CSMD1: variants seen among roughly 807,000 people sequenced by gnomAD.
The protein encoded by CSMD1 is CUB and sushi domain-containing protein 1.
In CSMD1, 213 loss-of-function variants were observed where a neutral mutation model predicts 417.5. The observed-to-expected ratio is 0.51, with a 90% CI of 0.46 to 0.57. CSMD1 has a LOEUF of 0.57. Ranked by LOEUF, CSMD1 falls within the 20% of genes least tolerant of loss-of-function variation. The pLI is 0.00. For missense variants in CSMD1, 6,923 were observed against 4,529.7 expected, an observed-to-expected ratio of 1.53 and a Z score of -15.17; for synonymous variants, 2,862 against 1,736.8, an observed-to-expected ratio of 1.65 and a Z score of -16.11.
rs542596691 is a variant in CSMD1 at position 3,160,367 on chromosome 8, C to G, written c.5844+1792G>C. 1.1e-4 allele frequency among the ~76,000 whole-genome samples: 16 copies of G among 152,310 alleles called. No homozygotes were observed. In the South Asian group the frequency reaches 3.3e-3, roughly 32 times the overall value. ...CAAACTCCTCGATTCAAGCAATCCT[C>G]TGACTTTGGAATCCCAAAGTGCTGG... On this transcript the variant is annotated intron_variant, in intron 38 of 69. Transcript: ENST00000635120.
chr8:3,172,943 G>T (rs1460234734), intron 37 of CSMD1, among the ~76,000 whole-genome samples: 2 of 152,204 alleles, frequency 1.3e-5, no homozygotes, highest in East Asian at 3.9e-4. Flanking sequence ...TGACGTTACT[G>T]ATAGGACCTA....
At chr8:3,686,444 A>T (rs1209133642) in intron 7 of CSMD1, among the ~76,000 whole-genome samples, 2 of 152,170 alleles carry the variant, frequency 1.3e-5, no homozygotes, top group African/African-American at 4.8e-5. Context: ...GGTTAAGAAT[A>T]TGCCACCCCA....
At chr8:4,271,814 A>C (rs1166426936) in intron 3 of CSMD1, among the ~76,000 whole-genome samples, 9 of 152,120 alleles carry the variant, frequency 5.9e-5, no homozygotes, top group African/African-American at 2.2e-4. Flanking sequence ...GCAAGCTTAC[A>C]TGTGATTACT....
chr8:4,341,642 C>G (rs115042326), intron 3 of CSMD1, among the ~76,000 whole-genome samples: 1 of 152,058 alleles, frequency 6.6e-6, no homozygotes, highest in Non-Finnish European at 1.5e-5. Context: ...TTAGGATATG[C>G]TCTTGTGTTC....
intron 23 of CSMD1, among the ~76,000 whole-genome samples, chr8:3,325,271 A>G (rs547944614): frequency 6.6e-6 from 1 of 152,318 alleles, no homozygotes; most frequent in East Asian, 1.9e-4. Context: ...TGACTAATAC[A>G]ATCACAATCA....
chr8:3,338,626 T>C (rs578140271), intron 23 of CSMD1, among the ~76,000 whole-genome samples: 7 of 152,288 alleles, frequency 4.6e-5, no homozygotes, highest in East Asian at 1.9e-4. Flanking sequence ...TCTCCCGTGA[T>C]ACCAGCTATG....
intron 35 of CSMD1, 109 bp from the exon 36 acceptor site, chr8:3,188,074 ATACATATGTATATG>A (rs1036740600): frequency 1.2e-4 from 48 of 399,546 alleles, no homozygotes; most frequent in African/African-American, 1.0e-3. Flanking sequence ...GTATATATAT[ATACATATGTATATG>A]TATATATATA....
chr8:3,723,924 T>G (rs1250151258), intron 6 of CSMD1, among the ~76,000 whole-genome samples: 1 of 152,178 alleles, frequency 6.6e-6, no homozygotes, highest in Non-Finnish European at 1.5e-5. Context: ...CAGATTCCAT[T>G]TTGTAGCTAA....
intron 13 of CSMD1, 71 bp downstream of exon 13, chr8:3,409,352 C>G: frequency 6.5e-6 from 9 of 1,385,294 alleles, no homozygotes; most frequent in Non-Finnish European, 8.6e-6. Context: ...CGGTCTGTGT[C>G]TTTCTCCTTT....
At chr8:3,869,791 G>C (rs1029439053) in intron 5 of CSMD1, among the ~76,000 whole-genome samples, 1 of 152,100 alleles carries the variant, frequency 6.6e-6, no homozygotes, top group African/African-American at 2.4e-5. Context: ...GGGAAGGCAA[G>C]ATGGGAGCTT....
intron 18 of CSMD1, among the ~76,000 whole-genome samples, chr8:3,385,115 T>C (rs1810921963): frequency 1.1e-5 from 1 of 89,644 alleles, no homozygotes; most frequent in Non-Finnish European, 2.2e-5. Flanking sequence ...AATAAAAATA[T>C]ATATAATATA....
At chr8:4,498,390 T>C (rs1802084779) in intron 2 of CSMD1, among the ~76,000 whole-genome samples, 1 of 152,210 alleles carries the variant, frequency 6.6e-6, no homozygotes, top group African/African-American at 2.4e-5. Flanking sequence ...CATATTTTTG[T>C]ATATATTTCT....
At chr8:3,353,020 G>C (rs1296955001) in intron 21 of CSMD1, among the ~76,000 whole-genome samples, 1 of 152,308 alleles carries the variant, frequency 6.6e-6, no homozygotes, top group African/African-American at 2.4e-5. Context: ...ACAGGTGTGA[G>C]AGGGAAACTA....
At chr8:4,940,844 C>T (rs979892213) in intron 1 of CSMD1, among the ~76,000 whole-genome samples, 4 of 152,132 alleles carry the variant, frequency 2.6e-5, no homozygotes, top group Non-Finnish European at 5.9e-5. Flanking sequence ...TCAGGTAAGG[C>T]TTAGAGGTCA....
intron 5 of CSMD1, among the ~76,000 whole-genome samples, chr8:3,995,326 G>A (rs1041892800): frequency 6.6e-6 from 1 of 152,162 alleles, no homozygotes; most frequent in Non-Finnish European, 1.5e-5. Flanking sequence ...TTGTGGCTGT[G>A]TTAAGATACT....
intron 3 of CSMD1, among the ~76,000 whole-genome samples, chr8:4,403,041 C>T (rs1035122529): frequency 6.6e-6 from 1 of 151,726 alleles, no homozygotes; most frequent in Non-Finnish European, 1.5e-5. Context: ...CCACGTTGGC[C>T]AGGATGGTCT....
intron 49 of CSMD1, among the ~76,000 whole-genome samples, chr8:3,084,155 C>G (rs911861855): frequency 6.6e-6 from 1 of 152,074 alleles, no homozygotes; most frequent in African/African-American, 2.4e-5. Context: ...AGCTGAAAAC[C>G]CACAAAGTCT....
chr8:3,498,080 T>C (rs993421541), intron 10 of CSMD1, among the ~76,000 whole-genome samples: 3 of 151,760 alleles, frequency 2.0e-5, no homozygotes, highest in Non-Finnish European at 4.4e-5. Flanking sequence ...TATTCTTGGC[T>C]GACATTTCTT....
intron 6 of CSMD1, among the ~76,000 whole-genome samples, chr8:3,712,039 G>A (rs1440929748): frequency 6.6e-6 from 1 of 152,190 alleles, no homozygotes; most frequent in Admixed American, 6.5e-5. Flanking sequence ...ACAAGTGTTT[G>A]ATGCTCTGTA....
Sources: gnomAD v4.1 joint callset for allele counts (sites outside exome capture counted in the v4.1 genomes callset) on GRCh38, gnomAD v4.1.1 for gene constraint, MANE v1.5 for transcripts, NCBI Gene and HGNC (gene_info 2026-07-23, HGNC 2026-07-21) for gene names.